The following PRKCA variants were observed in gnomAD, a reference collection of about 807,000 sequenced individuals.
PRKCA encodes the protein protein kinase C alpha, also known as protein kinase C alpha type.
In PRKCA, 27 loss-of-function variants were observed where a neutral mutation model predicts 87.0. The observed-to-expected ratio is 0.31, with a 90% CI of 0.23 to 0.43. The LOEUF is 0.43. Among genes scored for constraint, PRKCA ranks in the 20% least tolerant of loss-of-function variants. The pLI is 1.00. For missense variants in PRKCA, 518 were observed against 852.3 expected (o/e 0.61, Z 4.88); for synonymous variants, 329 against 311.1 (o/e 1.06, Z -0.61).
At chr17:66,687,008 GC>G in intron 5 of PRKCA, 102 bp from the exon 6 acceptor site, 1 of 1,072,570 alleles carries the variant, frequency 9.3e-7, no homozygotes, top group Non-Finnish European at 1.3e-6. Flanking sequence ...CTCCTTAAAC[GC>G]CATTCTGACG....
intron 2 of PRKCA, among the ~76,000 whole-genome samples, chr17:66,326,355 C>T (rs757126008): frequency 9.9e-5 from 15 of 152,058 alleles, no homozygotes; most frequent in South Asian, 4.1e-4. Context: ...CTCACTCACC[C>T]GTAATAAATT....
intron 3 of PRKCA, among the ~76,000 whole-genome samples, chr17:66,521,890 A>G (rs926180048): frequency 1.3e-5 from 2 of 152,218 alleles, no homozygotes; most frequent in African/African-American, 4.8e-5. Flanking sequence ...CCTGGTTTCT[A>G]GTGTTAGATA....
At chr17:66,723,955 G>A (rs1388646776) in intron 8 of PRKCA, among the ~76,000 whole-genome samples, 2 of 152,140 alleles carry the variant, frequency 1.3e-5, no homozygotes, top group South Asian at 2.1e-4. Context: ...GACTGTGGAC[G>A]GTGGAAAGGG....
At chr17:66,479,934 A>G (rs1182008339) in intron 2 of PRKCA, among the ~76,000 whole-genome samples, 2 of 149,150 alleles carry the variant, frequency 1.3e-5, no homozygotes, top group Non-Finnish European at 2.9e-5. Context: ...TGTTGAAACA[A>G]TCTGTACAGC....
intron 3 of PRKCA, among the ~76,000 whole-genome samples, chr17:66,567,016 G>T (rs1262603469): frequency 6.6e-6 from 1 of 152,096 alleles, no homozygotes; most frequent in Non-Finnish European, 1.5e-5. Flanking sequence ...AAATACAATT[G>T]TCACATTATG....
chr17:66,324,665 T>A (rs1383388267), intron 2 of PRKCA, among the ~76,000 whole-genome samples: 1 of 152,096 alleles, frequency 6.6e-6, no homozygotes, highest in Non-Finnish European at 1.5e-5. Flanking sequence ...TTTGAGAGAC[T>A]TTCCAATGTG....
rs555392676 is a variant in PRKCA at position 66,792,123 on chromosome 17, T to C, written c.1854+3144T>C. Among the ~76,000 whole-genome samples, 1 of 152,252 alleles carries C rather than the reference T, an allele frequency of 6.6e-6. No homozygotes were observed. The highest frequency in any genetic ancestry group is 1.9e-4 in the East Asian group (1 of 5,168). On this transcript the variant is annotated intron_variant, in intron 16 of 16. Coordinates refer to ENST00000413366, the MANE Select transcript of PRKCA (RefSeq NM_002737.3). This position sits in a 1 kb window ranked among gnomAD's most constrained non-coding sequence, Gnocchi z 4.5. Reference sequence around the variant, plus strand: ...ATAATCCTGGCTCACCAACCTTTTCTGTCTTGGTGAAGTCTGCCTGATGGT... The same window carrying C: ...ATAATCCTGGCTCACCAACCTTTTCCGTCTTGGTGAAGTCTGCCTGATGGT...
chr17:66,331,559 G>A (rs1030577845), intron 2 of PRKCA, among the ~76,000 whole-genome samples: 1 of 152,106 alleles, frequency 6.6e-6, no homozygotes, highest in African/African-American at 2.4e-5. Context: ...GCACAGACTT[G>A]TAGGATCTCA....
chr17:66,428,984 G>A (rs1912961421), intron 2 of PRKCA, among the ~76,000 whole-genome samples: 1 of 152,196 alleles, frequency 6.6e-6, no homozygotes, highest in Admixed American at 6.5e-5. Flanking sequence ...TAAAGTTTGA[G>A]ATAAATTGTC....
intron 3 of PRKCA, among the ~76,000 whole-genome samples, chr17:66,517,425 CAT>C (rs755040548): frequency 2.6e-5 from 4 of 152,202 alleles, no homozygotes; most frequent in Non-Finnish European, 4.4e-5. Context: ...TGAAGACTTT[CAT>C]ACCACTTGTT....
At chr17:66,479,613 A>T (rs1915686495) in intron 2 of PRKCA, among the ~76,000 whole-genome samples, 1 of 152,238 alleles carries the variant, frequency 6.6e-6, no homozygotes, top group Admixed American at 6.5e-5. Context: ...CTAAATTCCC[A>T]TCAATGATAG....
At chr17:66,610,535 A>G (rs970056480) in intron 3 of PRKCA, among the ~76,000 whole-genome samples, 2 of 152,116 alleles carry the variant, frequency 1.3e-5, no homozygotes, top group African/African-American at 4.8e-5. Flanking sequence ...ATAACAAAAG[A>G]CACTCCCATC....
rs368602635 is a variant in PRKCA, at chr17:66,566,479, G to GTTTTTTTTT, written c.288+70196_288+70197insTTTTTTTTT. Among the ~76,000 whole-genome samples, 414 of 74,232 alleles carry GTTTTTTTTT rather than the reference G, an allele frequency of 5.6e-3. 7 individuals carry two copies. The highest frequency in any genetic ancestry group is 0.014 in the Middle Eastern group (2 of 140). The allele number at this position is 74,232 out of a possible 152,430, so 48.7% of individuals were successfully genotyped here. On this transcript the variant is annotated intron_variant, in intron 3 of 16. Coordinates refer to ENST00000413366, the MANE Select transcript of PRKCA (RefSeq NM_002737.3). ...TTGTGAAGAACTGTTGTTGTTTTTT[G>GTTTTTTTTT]GTTTTTTTTTTTTTTTTTTTTTTGC...
intron 8 of PRKCA, among the ~76,000 whole-genome samples, chr17:66,703,150 C>G (rs137867458): frequency 4.5e-4 from 69 of 152,276 alleles, no homozygotes; most frequent in African/African-American, 1.6e-3. Context: ...CCTACAGTAA[C>G]TATTTTACTT....
rs538338343 is a variant in PRKCA at position 66,721,268 on chromosome 17, G to A, written c.919-11420G>A. 3.0e-4 allele frequency among the ~76,000 whole-genome samples: 45 copies of A among 151,898 alleles called. No homozygotes were observed. In the East Asian group the frequency reaches 7.2e-3, roughly 24 times the overall value. On this transcript the variant is annotated intron_variant, in intron 8 of 16. Coordinates refer to ENST00000413366, the MANE Select transcript of PRKCA (RefSeq NM_002737.3). ...AAAAATTAGCCAGGCATGGTGGTGG[G>A]CACCTGTAGTCCCAGCTACTCAGGA...
intron 12 of PRKCA, among the ~76,000 whole-genome samples, chr17:66,741,952 C>T (rs1253825684): frequency 1.3e-5 from 2 of 152,160 alleles, no homozygotes; most frequent in Non-Finnish European, 2.9e-5. Flanking sequence ...CACAAGAAAA[C>T]ACATTTTTCT....
chr17:66,302,754 G>T lies in PRKCA; in HGVS notation c.-98G>T, dbSNP rs939172372. 9 of 997,074 alleles carry T rather than the reference G, an allele frequency of 9.0e-6. No homozygotes were observed. In the African/African-American group the frequency reaches 1.6e-4, roughly 18 times the overall value. 61.8% of individuals were successfully genotyped at this position (997,074 alleles called of 1,614,324 possible). A position where few individuals can be genotyped will look rare whatever the true frequency, so the allele number is the denominator to read the frequency against. Reference sequence around the variant, plus strand: ...CACCGGCCCGCGCCCCGCGCCCGGGGTCGCCCCGAGCCCGCACCTCTCCCC... The same window carrying T: ...CACCGGCCCGCGCCCCGCGCCCGGGTTCGCCCCGAGCCCGCACCTCTCCCC... On this transcript the variant is annotated 5_prime_UTR_variant, in exon 1 of 17. Transcript: ENST00000413366.
chr17:66,675,995 A>G (rs1017388583), intron 5 of PRKCA, among the ~76,000 whole-genome samples: 2 of 151,980 alleles, frequency 1.3e-5, no homozygotes, highest in Admixed American at 6.6e-5. Flanking sequence ...CCGGAACATC[A>G]CGTGGGAAGG....
At chr17:66,560,282 T>C (rs572881447) in intron 3 of PRKCA, among the ~76,000 whole-genome samples, 1 of 152,068 alleles carries the variant, frequency 6.6e-6, no homozygotes, top group South Asian at 2.1e-4. Flanking sequence ...GAGCTTCAGC[T>C]GGGCCCAAAG....
Sources: gnomAD v4.1 joint callset for allele counts (sites outside exome capture counted in the v4.1 genomes callset) on GRCh38, gnomAD v4.1.1 for gene constraint, Gnocchi (gnomAD v3.1) non-coding constraint, MANE v1.5 for transcripts, NCBI Gene and HGNC (gene_info 2026-07-23, HGNC 2026-07-21) for gene names.